RPGRIP1L: variants seen among roughly 807,000 people sequenced by gnomAD.
RPGRIP1L encodes RPGRIP1 like, also known as protein fantom.
A neutral mutation model predicts 160.4 loss-of-function variants in RPGRIP1L; 131 were observed. That is an observed-to-expected ratio of 0.82 (90% confidence interval 0.71 to 0.94). The LOEUF is 0.94. Ranked by LOEUF, RPGRIP1L falls within the 40% of genes least tolerant of loss-of-function variation. The probability of loss-of-function intolerance (pLI) is 0.00; values close to 1 mark genes in which losing one functional copy is unlikely to be tolerated. For synonymous variants in RPGRIP1L, 510 were observed against 515.8 expected, an observed-to-expected ratio of 0.99 and a Z score of 0.15; for missense variants, 1,522 against 1,535.8, an observed-to-expected ratio of 0.99 and a Z score of 0.15.
intron 6 of RPGRIP1L, among the ~76,000 whole-genome samples, chr16:53,681,088 T>C (rs1481841977): frequency 6.6e-6 from 1 of 152,206 alleles, no homozygotes; most frequent in Non-Finnish European, 1.5e-5. Flanking sequence ...AAAGTAATCT[T>C]GTATCTGTGC....
chr16:53,671,889 A>C (rs1968766435), intron 8 of RPGRIP1L, among the ~76,000 whole-genome samples: 1 of 152,150 alleles, frequency 6.6e-6, no homozygotes, highest in African/African-American at 2.4e-5. Context: ...AGTCCCGGGA[A>C]ACATAGTATT....
intron 24 of RPGRIP1L, among the ~76,000 whole-genome samples, chr16:53,618,684 C>T (rs1031320102): frequency 2.0e-5 from 3 of 152,130 alleles, no homozygotes; most frequent in African/African-American, 4.8e-5. Flanking sequence ...GCTGGGACTA[C>T]AGGAGCGCAA....
rs1198443260 is a variant in RPGRIP1L at position 53,658,457 on chromosome 16, T to A, written c.1358A>T (p.Asp453Val). 2 of 1,608,924 alleles carry A rather than the reference T, an allele frequency of 1.2e-6. No individual in the cohort carries two copies. Reference protein sequence around the residue: ...KRIKLYNQENDINADELSEAL... With the variant: ...KRIKLYNQENVINADELSEAL... ...TTCACTCAATTCATCAGCATTAATA[T>A]CATTCTCCTGCAATAGATTAAGTAA... Residue 453 changes from aspartate to valine, a missense_variant, in exon 12 of 27, where the codon GAT becomes GTT. Asp to Val is a radical substitution (Grantham distance 152). Transcript: ENST00000647211.
At chr16:53,643,906 C>T (rs1177062990) in intron 17 of RPGRIP1L, among the ~76,000 whole-genome samples, 1 of 152,092 alleles carries the variant, frequency 6.6e-6, no homozygotes, top group African/African-American at 2.4e-5. Flanking sequence ...TAAGGATGAC[C>T]ACATGTTAGA....
chr16:53,648,621 C>CGT (rs1222258559), intron 16 of RPGRIP1L, among the ~76,000 whole-genome samples: 10 of 105,572 alleles, frequency 9.5e-5, no homozygotes, highest in Non-Finnish European at 1.4e-4. Flanking sequence ...CGTGCGCGCG[C>CGT]GCGCGCACAC....
At chr16:53,616,230 A>AGT (rs1477082012) in intron 24 of RPGRIP1L, among the ~76,000 whole-genome samples, 2 of 152,250 alleles carry the variant, frequency 1.3e-5, no homozygotes, top group African/African-American at 4.8e-5. Flanking sequence ...GGAAGATGTA[A>AGT]GTCTACATTA....
Position 53,598,559 on chromosome 16 carries a change from A to G in RPGRIP1L, c.*3517T>C, listed in dbSNP as rs746261416. ...AGATTAGGATGAGGAGATGTTTTCTAATTCTATATTTTTAGTTTTAAAAAC... is the reference window on the plus strand; with the variant it reads ...AGATTAGGATGAGGAGATGTTTTCTGATTCTATATTTTTAGTTTTAAAAAC... On this transcript the variant is annotated 3_prime_UTR_variant, in exon 27 of 27. Coordinates refer to ENST00000647211, the MANE Select transcript of RPGRIP1L (RefSeq NM_015272.5). 1.3e-5 allele frequency: 2 copies of G among 152,186 alleles called. No homozygotes were observed. Among genetic ancestry groups the G allele is most frequent in the Non-Finnish European group, 2.9e-5 (2 of 68,022 alleles). 9.4% of individuals were successfully genotyped at this position (152,186 alleles called of 1,614,324 possible).
intron 22 of RPGRIP1L, among the ~76,000 whole-genome samples, chr16:53,624,396 CAAAA>C (rs11322448): frequency 1.3e-5 from 2 of 151,732 alleles, no homozygotes; most frequent in African/African-American, 4.8e-5. Context: ...ATTAAAAATA[CAAAA>C]AAATTAGCCG....
Position 53,641,041 on chromosome 16 carries a change from G to GA in RPGRIP1L, c.2949dup (p.Gln984SerfsTer3). On this transcript the variant is annotated frameshift_variant, in exon 19 of 27. Transcript: ENST00000647211. LOFTEE classifies it high-confidence loss of function. The stretch of plus-strand genomic sequence containing the variant: ...CAGTGTCTACTACTTACATCACTCT[G>GA]ATGTGGCATGATATCCACGAAAGAT... 1 of 1,609,366 alleles carries GA rather than the reference G, an allele frequency of 6.2e-7. No homozygotes were observed. Among genetic ancestry groups the GA allele is most frequent in the Non-Finnish European group, 8.5e-7 (1 of 1,175,820 alleles).
In RPGRIP1L at chr16:53,619,105, TAGA is replaced by T. The variant is rs1964556741; in HGVS notation, c.3533_3535del (p.Phe1178del). ...GGGTGTCTCTTCAGCAGGAAGACTG[TAGA>T]ATCGACACTCAACAAACAGCCGTTG... is the stretch of plus-strand genomic sequence containing the variant. On this transcript the variant is annotated inframe_deletion, in exon 24 of 27. Transcript: ENST00000647211. 1 of 1,614,068 alleles carries T rather than the reference TAGA, an allele frequency of 6.2e-7. No individual in the cohort carries two copies. Among genetic ancestry groups the T allele is most frequent in the Non-Finnish European group, 8.5e-7 (1 of 1,179,954 alleles).
At chr16:53,653,273 C>G (rs1416271526) in intron 14 of RPGRIP1L, 1 of 959,138 alleles carries the variant, frequency 1.0e-6, no homozygotes, top group Non-Finnish European at 1.2e-6. Flanking sequence ...TCTTAATGAA[C>G]AGCTGAGATA....
At chr16:53,688,020 C>A in intron 4 of RPGRIP1L, 55 bp from the exon 5 acceptor site, 1 of 1,033,398 alleles carries the variant, frequency 9.7e-7, no homozygotes. Context: ...AAAGAAGGAT[C>A]TTTGATTTGC....
intron 17 of RPGRIP1L, among the ~76,000 whole-genome samples, chr16:53,643,410 GAAATCAAAGAGGACCCTGGTA>G (rs1302925286): frequency 6.6e-6 from 1 of 152,076 alleles, no homozygotes; most frequent in Non-Finnish European, 1.5e-5. Context: ...ATGCTCAGGA[GAAATCAAAGAGGACCCTGGTA>G]AGCTATCTGT....
intron 14 of RPGRIP1L, among the ~76,000 whole-genome samples, chr16:53,655,820 C>T (rs1598338685): frequency 6.6e-6 from 1 of 152,164 alleles, no homozygotes; most frequent in East Asian, 1.9e-4. Flanking sequence ...ACTGTAAGGA[C>T]ATTTCAAGTA....
At chr16:53,605,271 T>C (rs1297348761) in intron 26 of RPGRIP1L, 105 of 611,748 alleles carry the variant, frequency 1.7e-4, no homozygotes, top group Middle Eastern at 7.3e-4. Flanking sequence ...TATTTTACAA[T>C]TGCTGTTGAT....
At chr16:53,694,674 C>G (rs1970622232) in intron 3 of RPGRIP1L, 1 of 151,898 alleles carries the variant, frequency 6.6e-6, no homozygotes. Context: ...CCATGCCCAG[C>G]TAATTTTTTG....
At chr16:53,701,675 T>C (rs1297650130) in intron 1 of RPGRIP1L, 3 of 151,902 alleles carry the variant, frequency 2.0e-5, no homozygotes, top group African/African-American at 7.3e-5. Context: ...GCAAGCTTCA[T>C]TGTCTTGTTC....
intron 22 of RPGRIP1L, among the ~76,000 whole-genome samples, chr16:53,630,908 T>G (rs979465324): frequency 1.3e-5 from 2 of 152,092 alleles, no homozygotes; most frequent in Non-Finnish European, 2.9e-5. Context: ...AATTTTTGTA[T>G]TTTTAGTAGA....
intron 1 of RPGRIP1L, 89 bp from the exon 2 acceptor site, chr16:53,700,819 C>G: frequency 2.0e-6 from 2 of 978,474 alleles, no homozygotes. Context: ...GAAAAAGGGA[C>G]TAGAACTTTA....
Sources: allele counts gnomAD v4.1 joint callset (sites outside exome capture counted in the v4.1 genomes callset), GRCh38; gene constraint gnomAD v4.1.1; transcripts MANE v1.5; gene names NCBI Gene and HGNC (gene_info 2026-07-23, HGNC 2026-07-21).